Variants in AUH observed in about 807,000 individuals in gnomAD.
AUH encodes AU RNA binding methylglutaconyl-CoA hydratase.
AUH carries 29 observed loss-of-function variants against 42.3 expected under a neutral mutation model. The ratio of observed to expected loss-of-function variants is 0.69; its 90% confidence interval spans 0.51 to 0.93. The LOEUF (loss-of-function observed/expected upper bound fraction) is 0.93. AUH is among the 40% of genes least tolerant of loss of function. The pLI, the probability that AUH is intolerant of heterozygous loss-of-function variation, is 0.00. For missense variants in AUH, 452 were observed against 438.1 expected, an observed-to-expected ratio of 1.03 and a Z score of -0.28; for synonymous variants, 174 against 166.4, an observed-to-expected ratio of 1.05 and a Z score of -0.35.
In AUH at chr9:91,298,025, C is replaced by T; in HGVS notation, c.557G>A (p.Gly186Asp). ...IAAIDGLALG[G>D]GLELALACDI... is the part of the protein sequence containing the mutation. ...ACAGGCTAAAGCCAGTTCAAGACCA[C>T]CACCTAAAGCGAGTCCATCTATTGC... Residue 186 changes from glycine (G) to aspartate (D), a missense_variant, in exon 5 of 10, where the codon GGT (glycine) becomes GAT (aspartate). Gly to Asp is a moderately conservative substitution (Grantham distance 94). Transcript: ENST00000375731. The T allele has an allele frequency of 6.2e-7, 1 of 1,614,018 alleles. No homozygotes were observed. The highest frequency in any genetic ancestry group is 8.5e-7 in the Non-Finnish European group (1 of 1,179,884).
intron 3 of AUH, among the ~76,000 whole-genome samples, chr9:91,352,106 T>C (rs945690316): frequency 1.3e-5 from 2 of 152,066 alleles, no homozygotes; most frequent in African/African-American, 2.4e-5. Flanking sequence ...AAAAACCCCA[T>C]CTCTACTAAA....
chr9:91,302,058 T>C lies in AUH; in HGVS notation c.506-3982A>G, dbSNP rs369767348. Among the ~76,000 whole-genome samples the C allele has an allele frequency of 2.0e-5, 3 of 152,302 alleles. No individual in the cohort carries two copies. The East Asian group carries it at 5.8e-4, about 29-fold the overall frequency. On this transcript the variant is annotated intron_variant, in intron 4 of 9. Coordinates refer to ENST00000375731, the MANE Select transcript of AUH (RefSeq NM_001698.3). ...ATCATCCTAATTATTCCCTAAAAGATGTCTGTCGTAGTAAATTTTATCCAG... is the reference window on the plus strand; with the variant it reads ...ATCATCCTAATTATTCCCTAAAAGACGTCTGTCGTAGTAAATTTTATCCAG...
intron 6 of AUH, among the ~76,000 whole-genome samples, chr9:91,246,242 T>C (rs1828787173): frequency 6.6e-6 from 1 of 151,968 alleles, no homozygotes; most frequent in South Asian, 2.1e-4. Flanking sequence ...AGAAGAAGAA[T>C]ACTGACAGAG....
chr9:91,347,443 C>A (rs11792167), intron 3 of AUH, among the ~76,000 whole-genome samples: 2 of 152,192 alleles, frequency 1.3e-5, no homozygotes, highest in Non-Finnish European at 2.9e-5. Context: ...CCACTGGTAA[C>A]TGAGCTGAAT....
intron 4 of AUH, among the ~76,000 whole-genome samples, chr9:91,312,479 G>A (rs1828773419): frequency 6.6e-6 from 1 of 152,190 alleles, no homozygotes; most frequent in Admixed American, 6.5e-5. Context: ...TGTAATCCCA[G>A]CACTTTAGGA....
intron 5 of AUH, among the ~76,000 whole-genome samples, chr9:91,297,235 C>T (rs1194077044): frequency 2.0e-5 from 3 of 152,182 alleles, no homozygotes; most frequent in African/African-American, 7.2e-5. Flanking sequence ...TCCTCCAGTG[C>T]CCCAAAGTAC....
At chr9:91,317,037 T>C (rs1471203936) in intron 4 of AUH, among the ~76,000 whole-genome samples, 3 of 152,238 alleles carry the variant, frequency 2.0e-5, no homozygotes, top group African/African-American at 4.8e-5. Context: ...CTCTGTCACA[T>C]ATCAACTTCC....
chr9:91,265,676 T>A (rs75513644), intron 6 of AUH, among the ~76,000 whole-genome samples: 3,778 of 152,246 alleles, frequency 0.025, 75 homozygotes, highest in East Asian at 0.059. Flanking sequence ...AGCAGTAGAC[T>A]CCACAGAATG....
intron 6 of AUH, among the ~76,000 whole-genome samples, chr9:91,289,371 C>T (rs1173044929): frequency 6.6e-6 from 1 of 152,106 alleles, no homozygotes; most frequent in African/African-American, 2.4e-5. Flanking sequence ...ATTTTTTTGG[C>T]TGTCAGCACC....
At chr9:91,278,812 G>A (rs1271412441) in intron 6 of AUH, among the ~76,000 whole-genome samples, 1 of 152,146 alleles carries the variant, frequency 6.6e-6, no homozygotes, top group African/African-American at 2.4e-5. Flanking sequence ...GACAGTAACT[G>A]TTGAAACAAG....
chr9:91,327,860 A>T (rs910223115), intron 3 of AUH, among the ~76,000 whole-genome samples: 7 of 152,266 alleles, frequency 4.6e-5, no homozygotes, highest in East Asian at 3.9e-4. Flanking sequence ...TTTATCTCTG[A>T]GTTTTTGGGT....
intron 8 of AUH, 78 bp from the exon 9 acceptor site, chr9:91,216,184 A>G (rs775661091): frequency 8.7e-6 from 12 of 1,379,678 alleles, no homozygotes; most frequent in Admixed American, 3.4e-5. Flanking sequence ...TTCAAATTGA[A>G]TAACCTTATC....
intron 6 of AUH, among the ~76,000 whole-genome samples, chr9:91,288,234 CCA>C (rs1554705934): frequency 6.6e-6 from 1 of 152,076 alleles, no homozygotes; most frequent in Non-Finnish European, 1.5e-5. Context: ...AGAAAATCTG[CCA>C]CTATTTTCTC....
intron 6 of AUH, among the ~76,000 whole-genome samples, chr9:91,232,885 CTTAAA>C (rs991368648): frequency 1.3e-5 from 2 of 152,204 alleles, no homozygotes; most frequent in Non-Finnish European, 2.9e-5. Context: ...AGATAATTCT[CTTAAA>C]TTAAAGCAAC....
chr9:91,264,936 T>C (rs948054783), intron 6 of AUH, among the ~76,000 whole-genome samples: 8 of 152,226 alleles, frequency 5.3e-5, no homozygotes, highest in African/African-American at 1.9e-4. Flanking sequence ...TTGTAGGCAA[T>C]GCTTATAGCA....
chr9:91,325,247 T>A, intron 4 of AUH, 71 bp downstream of exon 4: 1 of 1,211,058 alleles, frequency 8.3e-7, no homozygotes, highest in Non-Finnish European at 1.2e-6. Flanking sequence ...TTATATATAA[T>A]GTGTAACTTT....
intron 6 of AUH, among the ~76,000 whole-genome samples, chr9:91,239,395 C>T (rs1828373676): frequency 6.6e-6 from 1 of 151,988 alleles, no homozygotes; most frequent in Non-Finnish European, 1.5e-5. Context: ...GTTGTTTTTT[C>T]CTTGAACCAT....
intron 6 of AUH, among the ~76,000 whole-genome samples, chr9:91,253,820 T>C (rs1829264199): frequency 6.6e-6 from 1 of 152,286 alleles, no homozygotes; most frequent in Non-Finnish European, 1.5e-5. Context: ...GTGGATAATC[T>C]TTGTATACTT....
At chr9:91,272,466 C>T (rs772339211) in intron 6 of AUH, among the ~76,000 whole-genome samples, 3 of 152,272 alleles carry the variant, frequency 2.0e-5, no homozygotes, top group Non-Finnish European at 4.4e-5. Context: ...GAGCACTGTG[C>T]GTTTGCCTTG....
Sources: gnomAD v4.1 joint callset for allele counts (sites outside exome capture counted in the v4.1 genomes callset) on GRCh38, gnomAD v4.1.1 for gene constraint, MANE v1.5 for transcripts, NCBI Gene and HGNC (gene_info 2026-07-23, HGNC 2026-07-21) for gene names.